Variants in FAM241A observed in about 807,000 individuals in gnomAD.
FAM241A encodes the protein uncharacterized protein FAM241A.
In FAM241A, 7 loss-of-function variants were observed where a neutral mutation model predicts 12.2. That is an observed-to-expected ratio of 0.58 (90% CI 0.33 to 1.08). The LOEUF (loss-of-function observed/expected upper bound fraction) is 1.08, where lower values mean the gene tolerates loss of function less well. Ranked by LOEUF, FAM241A falls within the 50% of genes least tolerant of loss-of-function variation. FAM241A has a pLI of 0.04. For missense variants in FAM241A, 161 were observed against 169.7 expected (o/e 0.95, Z 0.29); for synonymous variants, 74 against 68.2 (o/e 1.08, Z -0.42).
At chr4:112,154,240 A>G (rs1723306554) in intron 1 of FAM241A, among the ~76,000 whole-genome samples, 1 of 152,058 alleles carries the variant, frequency 6.6e-6, no homozygotes, top group African/African-American at 2.4e-5. Flanking sequence ...TTTTTCCCCT[A>G]AGTTTGATAC....
chr4:112,173,060 G>T (rs1723756205), intron 1 of FAM241A, among the ~76,000 whole-genome samples: 1 of 151,960 alleles, frequency 6.6e-6, no homozygotes, highest in Non-Finnish European at 1.5e-5. Flanking sequence ...GCTAACTTCT[G>T]TATTTTTTTG....
intron 1 of FAM241A, among the ~76,000 whole-genome samples, chr4:112,182,482 C>T (rs1212792727): frequency 1.3e-5 from 2 of 151,530 alleles, no homozygotes; most frequent in African/African-American, 4.9e-5. Context: ...TTAATTATCT[C>T]AGCTTGTCAA....
In FAM241A at chr4:112,194,288, C is replaced by T. The variant is rs1724223850; in HGVS notation, c.*7350C>T. On this transcript the variant is annotated 3_prime_UTR_variant, in exon 2 of 2. Transcript: ENST00000309733. ...TTTTCTAGATATACAATCATGTCATCTGCAAACAGGGACAATTTGACTTCC... is the reference window on the plus strand; with the variant it reads ...TTTTCTAGATATACAATCATGTCATTTGCAAACAGGGACAATTTGACTTCC... 1 of 151,856 alleles carries T rather than the reference C, an allele frequency of 6.6e-6. No homozygotes were observed. Among genetic ancestry groups the T allele is most frequent in the South Asian group, 2.1e-4 (1 of 4,800 alleles). 9.4% of individuals were successfully genotyped at this position (151,856 alleles called of 1,614,324 possible).
Position 112,187,272 on chromosome 4 carries a change from C to T in FAM241A, c.*334C>T, listed in dbSNP as rs1249699747. 1 of 202,960 alleles carries T rather than the reference C, an allele frequency of 4.9e-6. No individual in the cohort carries two copies. Among genetic ancestry groups the T allele is most frequent in the Non-Finnish European group, 9.9e-6 (1 of 101,342 alleles). 12.6% of individuals were successfully genotyped at this position (202,960 alleles called of 1,614,324 possible). ...AAATAACAGGACATGGAATTCAAAT[C>T]AAGCAATATAGTTCTTATAAAGAGT... On this transcript the variant is annotated 3_prime_UTR_variant, in exon 2 of 2. Coordinates refer to ENST00000309733, the MANE Select transcript of FAM241A (RefSeq NM_152400.3).
At chr4:112,157,101 A>G (rs982880609) in intron 1 of FAM241A, among the ~76,000 whole-genome samples, 73 of 152,156 alleles carry the variant, frequency 4.8e-4, no homozygotes, top group Non-Finnish European at 1.0e-4. Flanking sequence ...ATTAAACATA[A>G]AAGAAACACG....
intron 1 of FAM241A, among the ~76,000 whole-genome samples, chr4:112,183,283 A>G (rs902154730): frequency 6.6e-6 from 1 of 151,962 alleles, no homozygotes; most frequent in Non-Finnish European, 1.5e-5. Flanking sequence ...AAATTTTTTT[A>G]TAATTAAAAA....
intron 1 of FAM241A, among the ~76,000 whole-genome samples, chr4:112,183,887 A>T (rs936565667): frequency 6.6e-6 from 1 of 152,016 alleles, no homozygotes; most frequent in African/African-American, 2.4e-5. Flanking sequence ...GGTTTTTTTA[A>T]AATGTAGTAT....
At chr4:112,164,949 A>G (rs2054013269) in intron 1 of FAM241A, among the ~76,000 whole-genome samples, 1 of 152,134 alleles carries the variant, frequency 6.6e-6, no homozygotes, top group African/African-American at 2.4e-5. Context: ...CATCTCTCCA[A>G]AAAATACAAA....
intron 1 of FAM241A, among the ~76,000 whole-genome samples, chr4:112,163,844 A>G (rs1023206649): frequency 1.3e-5 from 2 of 151,898 alleles, no homozygotes; most frequent in Admixed American, 6.6e-5. Flanking sequence ...TCATGCTGCT[A>G]TAAAGACTTG....
intron 1 of FAM241A, chr4:112,171,625 C>T (rs1349152967): frequency 3.5e-5 from 19 of 536,418 alleles, no homozygotes; most frequent in South Asian, 2.7e-4. Flanking sequence ...TTTGGGAGGC[C>T]GAGGCGGGCG....
At chr4:112,150,830 G>A (rs1462499511) in intron 1 of FAM241A, among the ~76,000 whole-genome samples, 2 of 152,166 alleles carry the variant, frequency 1.3e-5, no homozygotes, top group Non-Finnish European at 2.9e-5. Flanking sequence ...AACTTCATAG[G>A]ATTATTGGAA....
chr4:112,171,430 G>A lies in FAM241A; in HGVS notation c.154-15263G>A, dbSNP rs944345482. On this transcript the variant is annotated intron_variant, in intron 1 of 1. Coordinates refer to ENST00000309733, the MANE Select transcript of FAM241A (RefSeq NM_152400.3). ...GATTGTGCTAAGGCTTGAGTGTGTT[G>A]AGCCAACTGCAGATCTAAGAGAATG... 13 of 773,106 alleles carry A rather than the reference G, an allele frequency of 1.7e-5. No individual in the cohort carries two copies. In the African/African-American group the frequency reaches 1.7e-4, roughly 10 times the overall value. The allele number at this position is 773,106 out of a possible 1,614,324, so 47.9% of individuals were successfully genotyped here. A position where few individuals can be genotyped will look rare whatever the true frequency, so the allele number is the denominator to read the frequency against.
intron 1 of FAM241A, among the ~76,000 whole-genome samples, chr4:112,165,926 C>A (rs1398592635): frequency 6.6e-6 from 1 of 151,792 alleles, no homozygotes; most frequent in Non-Finnish European, 1.5e-5. Flanking sequence ...GTTTGTAACA[C>A]AAAAGTAAAT....
intron 1 of FAM241A, among the ~76,000 whole-genome samples, chr4:112,175,743 G>A (rs1234320513): frequency 1.3e-5 from 2 of 151,908 alleles, no homozygotes; most frequent in South Asian, 2.1e-4. Flanking sequence ...ACTCCAGCCT[G>A]GGCAACAGAG....
At chr4:112,146,396 G>C (rs1464459149) in intron 1 of FAM241A, among the ~76,000 whole-genome samples, 4 of 152,178 alleles carry the variant, frequency 2.6e-5, no homozygotes, top group Non-Finnish European at 5.9e-5. Flanking sequence ...GAGAAGTTGC[G>C]TAATTTTTTA....
intron 1 of FAM241A, among the ~76,000 whole-genome samples, chr4:112,168,676 T>A (rs78983619): frequency 6.7e-6 from 1 of 149,170 alleles, no homozygotes. Context: ...TTTTTTTTTT[T>A]AATTTGAGAC....
At chr4:112,183,844 G>C (rs776991017) in intron 1 of FAM241A, among the ~76,000 whole-genome samples, 34 of 152,000 alleles carry the variant, frequency 2.2e-4, no homozygotes, top group Admixed American at 1.4e-3. Context: ...CTACCCTAAA[G>C]AAAAGAAAGC....
chr4:112,145,496 G>C lies in FAM241A; in HGVS notation c.-85G>C. ...CAGCGGCGGGTGCGGCGGATCCCAG[G>C]GCAGCCTTCGGGCGGCGGCGCTGCC... On this transcript the variant is annotated 5_prime_UTR_variant, in exon 1 of 2. Transcript: ENST00000309733. 1.5e-5 allele frequency: 17 copies of C among 1,171,870 alleles called. No homozygotes were observed. The highest frequency in any genetic ancestry group is 1.8e-5 in the Non-Finnish European group (17 of 943,050). 72.6% of individuals were successfully genotyped at this position (1,171,870 alleles called of 1,614,324 possible).
chr4:112,145,522 T>A lies in FAM241A; in HGVS notation c.-59T>A, dbSNP rs935770950. On this transcript the variant is annotated 5_prime_UTR_variant, in exon 1 of 2. Coordinates refer to ENST00000309733, the MANE Select transcript of FAM241A (RefSeq NM_152400.3). ...GCAGCCTTCGGGCGGCGGCGCTGCC[T>A]GGTGCGTCGCGGCGTGGTCCTCCGG... The A allele has an allele frequency of 6.6e-6, 8 of 1,206,228 alleles. No individual in the cohort carries two copies. The highest frequency in any genetic ancestry group is 3.4e-5 in the East Asian group (1 of 29,630). The allele number at this position is 1,206,228 out of a possible 1,614,324, so 74.7% of individuals were successfully genotyped here.
Sources: gnomAD v4.1 joint callset for allele counts (sites outside exome capture counted in the v4.1 genomes callset) on GRCh38, gnomAD v4.1.1 for gene constraint, MANE v1.5 for transcripts, NCBI Gene and HGNC (gene_info 2026-07-23, HGNC 2026-07-21) for gene names.